CLPX: variants seen among roughly 807,000 people sequenced by gnomAD.
CLPX encodes the protein ATP-dependent clpX-like chaperone, mitochondrial.
In CLPX, 34 loss-of-function variants were observed where a neutral mutation model predicts 76.4. The observed-to-expected ratio is 0.45, with a 90% CI of 0.34 to 0.59. The LOEUF (loss-of-function observed/expected upper bound fraction) is 0.59, where lower values mean the gene tolerates loss of function less well. Ranked by LOEUF, CLPX falls within the 20% of genes least tolerant of loss-of-function variation. The pLI, the probability that CLPX is intolerant of heterozygous loss-of-function variation, is 0.01. For missense variants in CLPX, 613 were observed against 757.0 expected, an observed-to-expected ratio of 0.81 and a Z score of 2.23; for synonymous variants, 248 against 270.9, an observed-to-expected ratio of 0.92 and a Z score of 0.83.
intron 3 of CLPX, among the ~76,000 whole-genome samples, chr15:65,174,866 CG>C (rs1555413824): frequency 6.6e-6 from 1 of 152,076 alleles, no homozygotes; most frequent in Non-Finnish European, 1.5e-5. Context: ...ACCCACTGTT[CG>C]GGAGTCAACT....
intron 3 of CLPX, among the ~76,000 whole-genome samples, chr15:65,172,962 C>A (rs1333517780): frequency 6.6e-6 from 1 of 152,146 alleles, no homozygotes; most frequent in African/African-American, 2.4e-5. Flanking sequence ...CTACTGTCAG[C>A]TATGATTGCG....
chr15:65,163,795 A>G (rs72729055), intron 5 of CLPX, among the ~76,000 whole-genome samples: 1,700 of 152,274 alleles, frequency 0.011, 15 homozygotes, highest in Non-Finnish European at 0.02. Context: ...CCTAAGAAAT[A>G]ATATTTACCT....
chr15:65,178,129 A>AAAGGAG (rs2088113582), intron 3 of CLPX, among the ~76,000 whole-genome samples: 1 of 152,186 alleles, frequency 6.6e-6, no homozygotes. Context: ...TGAATCATTA[A>AAAGGAG]TAATTATCAG....
At chr15:65,171,321 C>T (rs1039934013) in intron 3 of CLPX, among the ~76,000 whole-genome samples, 2 of 151,988 alleles carry the variant, frequency 1.3e-5, no homozygotes, top group Non-Finnish European at 2.9e-5. Flanking sequence ...TTGTCTTGTG[C>T]CTGTAATCCT....
intron 3 of CLPX, 78 bp from the exon 4 acceptor site, chr15:65,166,863 A>C: frequency 7.1e-7 from 1 of 1,409,600 alleles, no homozygotes; most frequent in Non-Finnish European, 9.6e-7. Flanking sequence ...ACTCCACTGT[A>C]AATGAAAGCT....
In CLPX at chr15:65,180,181, T is replaced by G. The variant is rs926487775; in HGVS notation, c.103A>C (p.Met35Leu). The G allele has an allele frequency of 8.1e-6, 13 of 1,603,440 alleles. No individual in the cohort carries two copies. The highest frequency in any genetic ancestry group is 9.4e-6 in the Non-Finnish European group (11 of 1,174,514). Residue 35 changes from methionine to leucine, a missense_variant, in exon 2 of 14, where the codon ATG becomes CTG. By Grantham distance (15) the Met-to-Leu change is conservative. This residue lies in a region of CLPX where 163 missense variants were observed against 118.4 expected (regional missense o/e 1.38). Transcript: ENST00000300107. ...QRGISGGRIH[M>L]SVLGRLGTFE... ...GTCCCAAGCCTTCCTAAAACTGACA[T>G]ATGAATGCGACCACCAGAAATACCT...
chr15:65,171,333 G>C lies in CLPX; in HGVS notation c.359-4548C>G, dbSNP rs117276618. ...GTGTTGTCTTGTGCCTGTAATCCTAGCAACTGGGGAGGCTGAGGCACGAGA... is the reference window on the plus strand; with the variant it reads ...GTGTTGTCTTGTGCCTGTAATCCTACCAACTGGGGAGGCTGAGGCACGAGA... On this transcript the variant is annotated intron_variant, in intron 3 of 13. Coordinates refer to ENST00000300107, the MANE Select transcript of CLPX (RefSeq NM_006660.5). 2.4e-4 allele frequency among the ~76,000 whole-genome samples: 36 copies of C among 151,930 alleles called. No homozygotes were observed. In the East Asian group the frequency reaches 6.4e-3, roughly 27 times the overall value.
intron 4 of CLPX, among the ~76,000 whole-genome samples, chr15:65,164,783 A>T (rs1244890186): frequency 1.3e-5 from 2 of 151,620 alleles, no homozygotes; most frequent in Non-Finnish European, 2.9e-5. Flanking sequence ...CTAAAAATAT[A>T]TTTTTTTCTT....
Position 65,185,314 on chromosome 15 carries a change from C to T in CLPX, c.-161G>A. 1 of 605,492 alleles carries T rather than the reference C, an allele frequency of 1.7e-6. No individual in the cohort carries two copies. The allele number at this position is 605,492 out of a possible 1,614,324, so 37.5% of individuals were successfully genotyped here. Reference sequence around the variant, plus strand: ...CCGGCAGCCAGGCCTTCACGCTTCTCTGCCCCACAGCCGTCTATTCACCAG... The same window carrying T: ...CCGGCAGCCAGGCCTTCACGCTTCTTTGCCCCACAGCCGTCTATTCACCAG... On this transcript the variant is annotated 5_prime_UTR_variant, in exon 1 of 14. Transcript: ENST00000300107.
At chr15:65,170,468 A>T (rs945955943) in intron 3 of CLPX, among the ~76,000 whole-genome samples, 2 of 152,084 alleles carry the variant, frequency 1.3e-5, no homozygotes, top group African/African-American at 4.8e-5. Context: ...ATTCCATATT[A>T]AAAAAACAAC....
intron 9 of CLPX, 56 bp downstream of exon 9, chr15:65,156,788 A>G (rs770544277): frequency 1.6e-5 from 17 of 1,037,926 alleles, no homozygotes; most frequent in Non-Finnish European, 2.4e-5. Flanking sequence ...AATATTTGGG[A>G]GGTTGATGTA....
In CLPX at chr15:65,165,242, C is replaced by G. The variant is rs546906733; in HGVS notation, c.514-1054G>C. Among the ~76,000 whole-genome samples the G allele has an allele frequency of 8.2e-4, 125 of 152,162 alleles. 1 individual carries two copies. The highest frequency in any genetic ancestry group is 2.9e-3 in the African/African-American group (119 of 41,504). On this transcript the variant is annotated intron_variant, in intron 4 of 13. Coordinates refer to ENST00000300107, the MANE Select transcript of CLPX (RefSeq NM_006660.5). ...ACTGTGGAGGCTGAAGTGGGAGGATCACTTGAGCCCAGGGAGGTTAAGGCT... is the reference window on the plus strand; with the variant it reads ...ACTGTGGAGGCTGAAGTGGGAGGATGACTTGAGCCCAGGGAGGTTAAGGCT...
chr15:65,174,762 G>A (rs974811901), intron 3 of CLPX, among the ~76,000 whole-genome samples: 13 of 152,170 alleles, frequency 8.5e-5, no homozygotes, highest in Non-Finnish European at 1.6e-4. Context: ...GCCCTGTGGA[G>A]ACCACACATA....
At position 65,149,248 on chromosome 15, in the gene CLPX, G is replaced by A. The variant is rs1202023596; in HGVS notation, c.*1575C>T. The stretch of plus-strand genomic sequence containing the variant: ...AATTCTAGCACTTTCAGAGGCCAAG[G>A]TGGCCGATTGCCTGAGCTCAGGAGA... On this transcript the variant is annotated 3_prime_UTR_variant, in exon 14 of 14. Coordinates refer to ENST00000300107, the MANE Select transcript of CLPX (RefSeq NM_006660.5). 1 of 157,962 alleles carries A rather than the reference G, an allele frequency of 6.3e-6. No homozygotes were observed. The highest frequency in any genetic ancestry group is 2.4e-5 in the African/African-American group (1 of 41,518). The allele number at this position is 157,962 out of a possible 1,614,324, so 9.8% of individuals were successfully genotyped here.
Position 65,153,562 on chromosome 15 carries a change from G to T in CLPX, c.1689C>A (p.Gly563=). 2 of 1,593,242 alleles carry T rather than the reference G, an allele frequency of 1.3e-6. No individual in the cohort carries two copies. The highest frequency in any genetic ancestry group is 1.7e-6 in the Non-Finnish European group (2 of 1,168,722). Residue 563 remains glycine, a synonymous_variant, in exon 12 of 14, where the codon GGC becomes GGA. Transcript: ENST00000300107. The part of the protein sequence containing the change: ...LALERKTGAR[G]LRSIMEKLLL... ...GCCAACTCACCATTATGGACCGAAG[G>T]CCTCGTGCACCTGTTTTTCGTTCTA...
Position 65,185,201 on chromosome 15 carries a change from C to A in CLPX, c.-48G>T. 1 of 1,471,624 alleles carries A rather than the reference C, an allele frequency of 6.8e-7. No individual in the cohort carries two copies. The highest frequency in any genetic ancestry group is 1.4e-5 in the African/African-American group (1 of 71,732). 91.2% of individuals were successfully genotyped at this position (1,471,624 alleles called of 1,614,324 possible). A position where few individuals can be genotyped will look rare whatever the true frequency, so the allele number is the denominator to read the frequency against. Reference sequence around the variant, plus strand: ...CTTCGCCCCCTGAGGACCTCCGGGTCACAGCGGCGTGAATCCTGCCCGCAA... The same window carrying A: ...CTTCGCCCCCTGAGGACCTCCGGGTAACAGCGGCGTGAATCCTGCCCGCAA... On this transcript the variant is annotated 5_prime_UTR_variant, in exon 1 of 14. Coordinates refer to ENST00000300107, the MANE Select transcript of CLPX (RefSeq NM_006660.5).
In CLPX at chr15:65,155,835, C is replaced by T; in HGVS notation, c.1168G>A (p.Gly390Ser). The part of the protein sequence containing the change: ...VQQGLLKLLE[G>S]TIVNVPEKNS... ...TTTTCTGGAACATTGACTATTGTGC[C>T]TTCTAGTAGTTTTAATAAGCCCTAA... Residue 390 changes from glycine (G) to serine (S), a missense_variant, in exon 10 of 14, where the codon GGC becomes AGC. Coordinates refer to ENST00000300107, the MANE Select transcript of CLPX (RefSeq NM_006660.5). 1 of 1,613,628 alleles carries T rather than the reference C, an allele frequency of 6.2e-7. No individual in the cohort carries two copies. Among genetic ancestry groups the T allele is most frequent in the East Asian group, 2.2e-5 (1 of 44,852 alleles).
chr15:65,155,897 C>T lies in CLPX; in HGVS notation c.1147-41G>A, dbSNP rs748807537. The T allele has an allele frequency of 1.2e-5, 18 of 1,513,966 alleles. No individual in the cohort carries two copies. The South Asian group carries it at 2.1e-4, about 17-fold the overall frequency. 93.8% of individuals were successfully genotyped at this position (1,513,966 alleles called of 1,614,324 possible). A position where few individuals can be genotyped will look rare whatever the true frequency, so the allele number is the denominator to read the frequency against. On this transcript the variant is annotated intron_variant, in intron 9 of 13. Coordinates refer to ENST00000300107, the MANE Select transcript of CLPX (RefSeq NM_006660.5). Reference sequence around the variant, plus strand: ...ATGATTTATAGCATCACCATATAAGCACATTATTTATTATACTTTAGACAA... The same window carrying T: ...ATGATTTATAGCATCACCATATAAGTACATTATTTATTATACTTTAGACAA...
Position 65,185,170 on chromosome 15 carries a change from C to G in CLPX, c.-17G>C. The G allele has an allele frequency of 6.4e-7, 1 of 1,554,340 alleles. No homozygotes were observed. The highest frequency in any genetic ancestry group is 8.7e-7 in the Non-Finnish European group (1 of 1,148,270). On this transcript the variant is annotated 5_prime_UTR_variant, in exon 1 of 14. Coordinates refer to ENST00000300107, the MANE Select transcript of CLPX (RefSeq NM_006660.5). ...GCTGGGCATCTCCGCGAGGCCTAGGCCGGGGCTTCGCCCCCTGAGGACCTC... is the reference window on the plus strand; with the variant it reads ...GCTGGGCATCTCCGCGAGGCCTAGGGCGGGGCTTCGCCCCCTGAGGACCTC...
Sources: allele counts gnomAD v4.1 joint callset (sites outside exome capture counted in the v4.1 genomes callset), GRCh38; gene constraint gnomAD v4.1.1; regional missense constraint gnomAD v4.1.1; transcripts MANE v1.5; gene names NCBI Gene and HGNC (gene_info 2026-07-23, HGNC 2026-07-21).